The following ELMO1 variants were observed in gnomAD, a reference collection of about 807,000 sequenced individuals.
The protein encoded by ELMO1 is engulfment and cell motility 1, also known as engulfment and cell motility protein 1.
A neutral mutation model predicts 98.9 loss-of-function variants in ELMO1; 26 were observed. The ratio of observed to expected loss-of-function variants is 0.26; its 90% CI spans 0.19 to 0.36. The LOEUF (loss-of-function observed/expected upper bound fraction) is 0.36, where lower values mean the gene tolerates loss of function less well. ELMO1 is among the 10% of genes least tolerant of loss of function. The pLI is 1.00. For missense variants in ELMO1, 627 were observed against 935.2 expected, an observed-to-expected ratio of 0.67 and a Z score of 4.30; for synonymous variants, 346 against 346.0, an observed-to-expected ratio of 1.00 and a Z score of 0.00.
At chr7:36,913,591 G>C (rs4723598) in intron 16 of ELMO1, among the ~76,000 whole-genome samples, 1 of 152,084 alleles carries the variant, frequency 6.6e-6, no homozygotes, top group African/African-American at 2.4e-5. Flanking sequence ...GACAAGAAAC[G>C]CCACATACGA....
At chr7:37,214,810 T>C (rs1242713133) in intron 11 of ELMO1, among the ~76,000 whole-genome samples, 1 of 152,230 alleles carries the variant, frequency 6.6e-6, no homozygotes, top group Non-Finnish European at 1.5e-5. Context: ...CTCCAAGTTC[T>C]TGCAGGAGAG....
chr7:37,067,029 T>A (rs1248896413), intron 15 of ELMO1, among the ~76,000 whole-genome samples: 1 of 152,152 alleles, frequency 6.6e-6, no homozygotes, highest in Non-Finnish European at 1.5e-5. Flanking sequence ...TCTGGGAAAC[T>A]TTTGGGGCAG....
At chr7:37,411,306 A>C (rs1803983462) in intron 1 of ELMO1, among the ~76,000 whole-genome samples, 1 of 152,240 alleles carries the variant, frequency 6.6e-6, no homozygotes, top group Non-Finnish European at 1.5e-5. Context: ...GTTTTTCAAC[A>C]TCCTACAACA....
chr7:37,333,638 C>G (rs931611685), intron 2 of ELMO1, among the ~76,000 whole-genome samples: 2 of 152,148 alleles, frequency 1.3e-5, no homozygotes, highest in African/African-American at 4.8e-5. Flanking sequence ...CTCTCTCACA[C>G]AAGAAAAGAG....
intron 15 of ELMO1, among the ~76,000 whole-genome samples, chr7:37,059,221 C>T (rs1016974716): frequency 6.6e-6 from 1 of 152,144 alleles, no homozygotes; most frequent in Non-Finnish European, 1.5e-5. Context: ...AAATATCACT[C>T]CAGTGGGGGC....
intron 7 of ELMO1, among the ~76,000 whole-genome samples, chr7:37,235,820 C>A (rs1187954785): frequency 2.6e-5 from 4 of 152,200 alleles, no homozygotes; most frequent in African/African-American, 9.7e-5. Flanking sequence ...GTAGTTCCAG[C>A]TACTCTACTC....
rs568070538 is a variant in ELMO1 at position 36,966,392 on chromosome 7, T to C, written c.1437+46907A>G. Among the ~76,000 whole-genome samples the C allele has an allele frequency of 3.6e-4, 55 of 152,334 alleles. No homozygotes were observed. The South Asian group carries it at 0.011, about 32-fold the overall frequency. On this transcript the variant is annotated intron_variant, in intron 16 of 21. Coordinates refer to ENST00000310758, the MANE Select transcript of ELMO1 (RefSeq NM_014800.11). ...ACTGAATATTAAGACCACGGGTTTT[T>C]AACTGAGACTCCTAAAAACTTGGCC...
intron 13 of ELMO1, among the ~76,000 whole-genome samples, chr7:37,162,681 G>C (rs962464111): frequency 6.6e-6 from 1 of 152,142 alleles, no homozygotes; most frequent in Non-Finnish European, 1.5e-5. Flanking sequence ...TATATGTCAA[G>C]ATTTACTCAA....
At chr7:37,107,796 T>A (rs976302098) in intron 14 of ELMO1, among the ~76,000 whole-genome samples, 1 of 152,242 alleles carries the variant, frequency 6.6e-6, no homozygotes, top group African/African-American at 2.4e-5. Flanking sequence ...TAATTCATTT[T>A]ACAAAACAAA....
At chr7:37,124,842 A>C (rs989299660) in intron 14 of ELMO1, among the ~76,000 whole-genome samples, 26 of 152,240 alleles carry the variant, frequency 1.7e-4, no homozygotes, top group Non-Finnish European at 3.1e-4. Flanking sequence ...ATCCTGAGCC[A>C]AAAGAACAAA....
At chr7:36,894,797 C>T in intron 17 of ELMO1, 57 bp downstream of exon 17, 2 of 1,607,896 alleles carry the variant, frequency 1.2e-6, no homozygotes, top group South Asian at 2.2e-5. Flanking sequence ...GGCGGTCATT[C>T]TAGAAATAGT....
rs748654160 is a variant in ELMO1 at position 37,222,590 on chromosome 7, A to AT, written c.780+24dup. On this transcript the variant is annotated intron_variant, in intron 10 of 21. Transcript: ENST00000310758. ...CAAAGTTCCTAGCCTTGACATAGCC[A>AT]TAAGACTAAAGAAATGCAACTTACC... The AT allele has an allele frequency of 1.4e-4, 225 of 1,610,738 alleles. 2 individuals are homozygous for AT. In the Middle Eastern group the frequency reaches 4.3e-3, roughly 31 times the overall value.
At chr7:36,858,878 C>T (rs1268651246) in intron 21 of ELMO1, among the ~76,000 whole-genome samples, 1 of 152,142 alleles carries the variant, frequency 6.6e-6, no homozygotes, top group Non-Finnish European at 1.5e-5. Context: ...TGATTTTAGC[C>T]CAGGATACTC....
chr7:36,948,843 GCTCA>G (rs1296263398), intron 16 of ELMO1, among the ~76,000 whole-genome samples: 1 of 152,130 alleles, frequency 6.6e-6, no homozygotes, highest in Admixed American at 6.5e-5. Flanking sequence ...AGAAGGTACT[GCTCA>G]CTCACTCTTT....
Position 37,133,229 on chromosome 7 carries a change from A to G in ELMO1, c.1092T>C (p.His364=), listed in dbSNP as rs760304150. 9 of 1,609,498 alleles carry G rather than the reference A, an allele frequency of 5.6e-6. No individual in the cohort carries two copies. The highest frequency in any genetic ancestry group is 6.8e-6 in the Non-Finnish European group (8 of 1,178,022). The change falls in exon 14 of 22, where the codon CAT becomes CAC. Residue 364 remains histidine, a synonymous_variant. Coordinates refer to ENST00000310758, the MANE Select transcript of ELMO1 (RefSeq NM_014800.11). ...GCGTGAAGTCCATGGCAGGGTTGAC[A>G]TGATTCTGTGAGTAAAACAAAATCA... is the stretch of plus-strand genomic sequence containing the variant. ...RDYKKLGFIN[H]VNPAMDFTQT...
chr7:37,169,988 A>T (rs1320216031), intron 13 of ELMO1, among the ~76,000 whole-genome samples: 1 of 151,694 alleles, frequency 6.6e-6, no homozygotes, highest in East Asian at 1.9e-4. Context: ...TGCAACCTCC[A>T]CCTCCTGGGT....
chr7:37,000,535 T>C (rs1016620056), intron 16 of ELMO1, among the ~76,000 whole-genome samples: 1 of 152,238 alleles, frequency 6.6e-6, no homozygotes, highest in Non-Finnish European at 1.5e-5. Flanking sequence ...GATGCATTTT[T>C]TCCCCCCAAT....
chr7:37,446,603 G>T (rs1036815337), intron 1 of ELMO1, among the ~76,000 whole-genome samples: 1 of 152,176 alleles, frequency 6.6e-6, no homozygotes, highest in South Asian at 2.1e-4. Flanking sequence ...GGTGCCTGCA[G>T]TTACCAAGGA....
At chr7:37,100,267 C>G (rs1159884214) in intron 14 of ELMO1, among the ~76,000 whole-genome samples, 1 of 152,140 alleles carries the variant, frequency 6.6e-6, no homozygotes, top group East Asian at 1.9e-4. Context: ...TCTATGTCAT[C>G]TAATTTATCC....
Sources: gnomAD v4.1 joint callset for allele counts (sites outside exome capture counted in the v4.1 genomes callset) on GRCh38, gnomAD v4.1.1 for gene constraint, MANE v1.5 for transcripts, NCBI Gene and HGNC (gene_info 2026-07-23, HGNC 2026-07-21) for gene names.